The following MGAT5B variants were observed in gnomAD, a reference collection of about 807,000 sequenced individuals.
The protein encoded by MGAT5B is alpha-1,6-mannosylglycoprotein 6-beta-N-acetylglucosaminyltransferase B.
A neutral mutation model predicts 95.1 loss-of-function variants in MGAT5B; 54 were observed. The observed-to-expected ratio is 0.57, with a 90% CI of 0.46 to 0.71. MGAT5B has a LOEUF of 0.71. MGAT5B is among the 30% of genes least tolerant of loss of function. The pLI is 0.00. For missense variants in MGAT5B, 935 were observed against 1,088.6 expected (o/e 0.86, Z 1.99); for synonymous variants, 464 against 451.0 (o/e 1.03, Z -0.36).
chr17:76,883,815 T>C (rs1336583306), intron 3 of MGAT5B, among the ~76,000 whole-genome samples: 1 of 152,040 alleles, frequency 6.6e-6, no homozygotes, highest in East Asian at 1.9e-4. Context: ...AAGTACGGAG[T>C]TGGGTGAAAC....
rs749348749 is a variant in MGAT5B at position 76,904,259 on chromosome 17, G to A, written c.527G>A (p.Arg176His). ...GCCTGGCCCTCTCTGCAGTGGATGCGTGCCCGCTGGACCTCTGACCCCTGC... is the reference window on the plus strand; with the variant it reads ...GCCTGGCCCTCTCTGCAGTGGATGCATGCCCGCTGGACCTCTGACCCCTGC... ...PDCSGKVEWM[R>H]ARWTSDPCYA... Residue 176 changes from arginine to histidine, a missense_variant, in exon 6 of 18, where the codon CGT (arginine) becomes CAT (histidine). Arg to His is a conservative substitution (Grantham distance 29, BLOSUM62 0). Coordinates refer to ENST00000569840, the MANE Select transcript of MGAT5B (RefSeq NM_001199172.2). The A allele has an allele frequency of 8.1e-6, 13 of 1,607,284 alleles. No homozygotes were observed. The highest frequency in any genetic ancestry group is 2.7e-5 in the African/African-American group (2 of 74,846).
rs1392349067 is a variant in MGAT5B, at chr17:76,918,528, A to G, written c.1026-6438A>G. Among the ~76,000 whole-genome samples, 1 of 152,162 alleles carries G rather than the reference A, an allele frequency of 6.6e-6. No homozygotes were observed. The highest frequency in any genetic ancestry group is 2.4e-5 in the African/African-American group (1 of 41,424). ...GAAGAAAATGCTGCAGGACGGTGTA[A>G]TTCTTTCCTCATTAGTGATCCTAAC... On this transcript the variant is annotated intron_variant, in intron 8 of 17. Coordinates refer to ENST00000569840, the MANE Select transcript of MGAT5B (RefSeq NM_001199172.2). The surrounding 1 kb of genome is among the most constrained non-coding windows in gnomAD (Gnocchi z 5.1).
rs1018379027 is a variant in MGAT5B at position 76,915,394 on chromosome 17, G to A, written c.1025+9207G>A. ...CTCTGACGGTTTCTATTTTATCTTC[G>A]ATGCCGGAGGGGAGAGCATTTCCCA... On this transcript the variant is annotated intron_variant, in intron 8 of 17. Transcript: ENST00000569840. The surrounding 1 kb of genome is among the most constrained non-coding windows in gnomAD (Gnocchi z 8.7). Among the ~76,000 whole-genome samples the A allele has an allele frequency of 7.9e-5, 12 of 152,070 alleles. No individual in the cohort carries two copies. The highest frequency in any genetic ancestry group is 2.9e-4 in the African/African-American group (12 of 41,386).
In MGAT5B at chr17:76,926,666, G is replaced by C. The variant is rs149785636; in HGVS notation, c.1227G>C (p.Leu409=). Residue 409 remains leucine (L), a synonymous_variant, in exon 10 of 18, where the codon CTG becomes CTC. Coordinates refer to ENST00000569840, the MANE Select transcript of MGAT5B (RefSeq NM_001199172.2). ...ACAACCACGAGGAGTACGCCACGCT[G>C]CACGGCTACCGGACCAACTGGGGCT... ...PAYNHEEYAT[L]HGYRTNWGYW... is the part of the protein sequence containing the mutation. The C allele has an allele frequency of 1.2e-6, 2 of 1,612,592 alleles. No homozygotes were observed. Among genetic ancestry groups the C allele is most frequent in the African/African-American group, 1.3e-5 (1 of 74,922 alleles).
chr17:76,875,537 C>T (rs754164523), intron 2 of MGAT5B, among the ~76,000 whole-genome samples: 4 of 150,658 alleles, frequency 2.7e-5, no homozygotes, highest in Non-Finnish European at 5.9e-5. Flanking sequence ...TCAGGTATGT[C>T]TTTAGTAGCA....
intron 3 of MGAT5B, among the ~76,000 whole-genome samples, chr17:76,897,297 C>T (rs2145171134): frequency 6.6e-6 from 1 of 152,234 alleles, no homozygotes; most frequent in Non-Finnish European, 1.5e-5. Flanking sequence ...CGTAGAGTTG[C>T]CGTAAAAAAT....
Position 76,915,680 on chromosome 17 carries a change from T to C in MGAT5B, c.1026-9286T>C, listed in dbSNP as rs1392188424. On this transcript the variant is annotated intron_variant, in intron 8 of 17. Transcript: ENST00000569840. This position sits in a 1 kb window ranked among gnomAD's most constrained non-coding sequence, Gnocchi z 8.7. ...GGAAAAGGTGGGGAAGAACCGCATCTTGGCACCTAGACTTGTGAATGGCAG... is the reference window on the plus strand; with the variant it reads ...GGAAAAGGTGGGGAAGAACCGCATCCTGGCACCTAGACTTGTGAATGGCAG... Among the ~76,000 whole-genome samples, 2 of 152,204 alleles carry C rather than the reference T, an allele frequency of 1.3e-5. No individual in the cohort carries two copies. Among genetic ancestry groups the C allele is most frequent in the East Asian group, 1.9e-4 (1 of 5,182 alleles).
Position 76,905,866 on chromosome 17 carries a change from C to T in MGAT5B, c.856-152C>T, listed in dbSNP as rs1408481449. On this transcript the variant is annotated intron_variant, in intron 7 of 17. Coordinates refer to ENST00000569840, the MANE Select transcript of MGAT5B (RefSeq NM_001199172.2). This position sits in a 1 kb window ranked among gnomAD's most constrained non-coding sequence, Gnocchi z 4.2. ...CTTGTTCGCCCGTGTCCCCAGTGCC[C>T]GATCTGGTCACTCTGGTGCCGGAAA... 2.1e-5 allele frequency: 16 copies of T among 747,552 alleles called. No individual in the cohort carries two copies. The highest frequency in any genetic ancestry group is 1.2e-4 in the East Asian group (4 of 33,504). The allele number at this position is 747,552 out of a possible 1,614,324, so 46.3% of individuals were successfully genotyped here. A position where few individuals can be genotyped will look rare whatever the true frequency, so the allele number is the denominator to read the frequency against.
Position 76,925,067 on chromosome 17 carries a change from G to T in MGAT5B, c.1127G>T (p.Arg376Leu). The change falls in exon 9 of 18, where the codon CGG (arginine) becomes CTG (leucine). Residue 376 changes from arginine (R) to leucine (L), a missense_variant. This residue lies in a region of MGAT5B where 243 missense variants were observed against 305.5 expected (regional missense o/e 0.80). Transcript: ENST00000569840. ...TACCACGGCCTGCAGCAGATGAAGC[G>T]GCACATGGGACTCTCCTTCAAGAAG... ...TDYHGLQQMK[R>L]HMGLSFKKYR... is the part of the protein sequence containing the mutation. The T allele has an allele frequency of 6.2e-7, 1 of 1,611,412 alleles. No individual in the cohort carries two copies. Among genetic ancestry groups the T allele is most frequent in the African/African-American group, 1.3e-5 (1 of 74,664 alleles).
chr17:76,890,961 CTTT>C (rs150133278), intron 3 of MGAT5B, among the ~76,000 whole-genome samples: 31,404 of 111,370 alleles, frequency 0.28, 4,992 homozygotes, highest in African/African-American at 0.46. Context: ...CTCTGGGGGC[CTTT>C]TTTTTTTTTT....
chr17:76,928,129 G>C (rs1442766339), intron 10 of MGAT5B, among the ~76,000 whole-genome samples: 1 of 152,190 alleles, frequency 6.6e-6, no homozygotes, highest in Non-Finnish European at 1.5e-5. Context: ...ATGCAGTCCA[G>C]ATGAGAAAAC....
intron 12 of MGAT5B, among the ~76,000 whole-genome samples, chr17:76,935,886 T>TG (rs1567822951): frequency 9.8e-5 from 5 of 51,098 alleles, no homozygotes; most frequent in Non-Finnish European, 2.5e-4. Flanking sequence ...ATATTATATA[T>TG]TATATAATTA....
chr17:76,875,921 C>T (rs545978094), intron 2 of MGAT5B, among the ~76,000 whole-genome samples: 6 of 152,098 alleles, frequency 3.9e-5, no homozygotes, highest in African/African-American at 1.4e-4. Flanking sequence ...TCACATTTCC[C>T]AGGCCTCAGA....
At chr17:76,879,275 C>T (rs1249329918) in intron 2 of MGAT5B, among the ~76,000 whole-genome samples, 1 of 152,086 alleles carries the variant, frequency 6.6e-6, no homozygotes, top group Non-Finnish European at 1.5e-5. Flanking sequence ...GGTGCCAGGC[C>T]TAAGGCGCTC....
At chr17:76,947,768 G>A (rs1391067658) in intron 16 of MGAT5B, 62 bp from the exon 17 acceptor site, 1 of 1,486,538 alleles carries the variant, frequency 6.7e-7, no homozygotes, top group African/African-American at 1.4e-5. Context: ...CACACCTTCA[G>A]GTGTCTCCCA....
rs1017349988 is a variant in MGAT5B, at chr17:76,869,466, G to C, written c.68+369G>C. Among the ~76,000 whole-genome samples the C allele has an allele frequency of 6.6e-6, 1 of 152,104 alleles. No homozygotes were observed. ...CTCACCCCGCGGACGGTCCCATCCG[G>C]GTGGCAAAGTTAGTGTGCGGCGCCT... On this transcript the variant is annotated intron_variant, in intron 1 of 17. Coordinates refer to ENST00000569840, the MANE Select transcript of MGAT5B (RefSeq NM_001199172.2). The surrounding 1 kb of genome is among the most constrained non-coding windows in gnomAD (Gnocchi z 7.0).
rs1384354561 is a variant in MGAT5B at position 76,903,384 on chromosome 17, C to A, written c.519+8C>A. 6.2e-6 allele frequency: 10 copies of A among 1,607,826 alleles called. No homozygotes were observed. The South Asian group carries it at 1.1e-4, about 18-fold the overall frequency. On this transcript the variant is annotated splice_region_variant and intron_variant, in intron 5 of 17. Coordinates refer to ENST00000569840, the MANE Select transcript of MGAT5B (RefSeq NM_001199172.2). ...TGCTCAGGGAAGGTGGAGGTGAGGCCTGGGGCTGAGGGGTGGGGATGTCTA... is the reference window on the plus strand; with the variant it reads ...TGCTCAGGGAAGGTGGAGGTGAGGCATGGGGCTGAGGGGTGGGGATGTCTA...
intron 8 of MGAT5B, among the ~76,000 whole-genome samples, chr17:76,924,695 T>G (rs568640687): frequency 6.6e-6 from 1 of 152,218 alleles, no homozygotes; most frequent in East Asian, 1.9e-4. Flanking sequence ...TTTGTGTCGA[T>G]GACAAAAGGT....
intron 2 of MGAT5B, among the ~76,000 whole-genome samples, chr17:76,873,947 A>G (rs1220406021): frequency 2.8e-4 from 42 of 152,046 alleles, no homozygotes; most frequent in Admixed American, 2.8e-3. Flanking sequence ...TATTGTAGAC[A>G]TCCCAAGTTA....
Sources: gnomAD v4.1 joint callset for allele counts (sites outside exome capture counted in the v4.1 genomes callset) on GRCh38, gnomAD v4.1.1 for gene constraint, gnomAD v4.1.1 regional missense constraint, Gnocchi (gnomAD v3.1) non-coding constraint, MANE v1.5 for transcripts, NCBI Gene and HGNC (gene_info 2026-07-23, HGNC 2026-07-21) for gene names.